The following ANKS1B variants were observed in gnomAD, a reference collection of about 807,000 sequenced individuals.
ANKS1B encodes ankyrin repeat and sterile alpha motif domain-containing protein 1B.
ANKS1B carries 36 observed loss-of-function variants against 148.3 expected under a neutral mutation model. The ratio of observed to expected loss-of-function variants is 0.24; its 90% CI spans 0.19 to 0.32. The LOEUF (loss-of-function observed/expected upper bound fraction) is 0.32. Among genes scored for constraint, ANKS1B ranks in the 10% least tolerant of loss-of-function variants. The pLI is 1.00. For missense variants in ANKS1B, 1,157 were observed against 1,542.6 expected (o/e 0.75, Z 4.19); for synonymous variants, 542 against 560.8 (o/e 0.97, Z 0.47).
At chr12:99,016,135 G>C (rs2099942397) in intron 17 of ANKS1B, among the ~76,000 whole-genome samples, 1 of 152,122 alleles carries the variant, frequency 6.6e-6, no homozygotes, top group Non-Finnish European at 1.5e-5. Flanking sequence ...TTTGCAGGAA[G>C]GACAATCTTA....
intron 16 of ANKS1B, among the ~76,000 whole-genome samples, chr12:99,066,147 C>T (rs959467224): frequency 6.6e-5 from 10 of 151,968 alleles, no homozygotes; most frequent in African/African-American, 1.9e-4. Context: ...GAAACTCTAT[C>T]GCTACTAAAA....
rs769888299 is a variant in ANKS1B at position 99,059,788 on chromosome 12, C to CATATATATATATATATGTATATAT, written c.2626-6480_2626-6479insATATATACATATATATATATATAT. 9.6e-4 allele frequency among the ~76,000 whole-genome samples: 87 copies of CATATATATATATATATGTATATAT among 90,318 alleles called. 1 individual carries two copies. Among genetic ancestry groups the CATATATATATATATATGTATATAT allele is most frequent in the African/African-American group, 3.7e-3 (83 of 22,300 alleles). 59.3% of individuals were successfully genotyped at this position (90,318 alleles called of 152,430 possible). On this transcript the variant is annotated intron_variant, in intron 16 of 26. Transcript: ENST00000683438. ...TAAGCCCAAAGACAAAACTAAAATTCATATATATATATATATATGATAGGA... is the reference window on the plus strand; with the variant it reads ...TAAGCCCAAAGACAAAACTAAAATTCATATATATATATATATGTATATATATATATATATATATATATGATAGGA...
At chr12:99,302,321 G>A (rs2081752955) in intron 12 of ANKS1B, among the ~76,000 whole-genome samples, 2 of 151,994 alleles carry the variant, frequency 1.3e-5, no homozygotes, top group South Asian at 2.1e-4. Flanking sequence ...ACTAAAACAT[G>A]CTTTATGCAC....
chr12:98,947,585 A>T (rs978468249), intron 17 of ANKS1B, among the ~76,000 whole-genome samples: 1 of 152,246 alleles, frequency 6.6e-6, no homozygotes. Flanking sequence ...ACCCAAACAC[A>T]GGGTTCACAC....
intron 8 of ANKS1B, among the ~76,000 whole-genome samples, chr12:99,693,008 A>G (rs1452306330): frequency 6.6e-6 from 1 of 152,194 alleles, no homozygotes; most frequent in African/African-American, 2.4e-5. Context: ...CAAGTGTGTT[A>G]ATTGAAAATA....
chr12:99,411,467 G>A (rs2094704332), intron 11 of ANKS1B, among the ~76,000 whole-genome samples: 1 of 152,132 alleles, frequency 6.6e-6, no homozygotes. Flanking sequence ...TGGGCACTTA[G>A]GCTGATTCCA....
intron 8 of ANKS1B, among the ~76,000 whole-genome samples, chr12:99,677,843 C>T (rs563907249): frequency 2.3e-4 from 35 of 152,172 alleles, no homozygotes; most frequent in African/African-American, 7.7e-4. Context: ...CGTGGTGGCA[C>T]GCGCCTGTAG....
intron 9 of ANKS1B, among the ~76,000 whole-genome samples, chr12:99,640,053 TC>T (rs1345215144): frequency 6.6e-6 from 1 of 152,010 alleles, no homozygotes; most frequent in African/African-American, 2.4e-5. Flanking sequence ...GCACCTATCA[TC>T]CCAGCTACTT....
At chr12:99,111,816 G>T (rs1308048238) in intron 15 of ANKS1B, among the ~76,000 whole-genome samples, 1 of 152,018 alleles carries the variant, frequency 6.6e-6, no homozygotes, top group Non-Finnish European at 1.5e-5. Flanking sequence ...GCAACAAGGC[G>T]ATGGTGGCAG....
chr12:99,314,069 T>C (rs1249492467), intron 12 of ANKS1B, among the ~76,000 whole-genome samples: 1 of 152,106 alleles, frequency 6.6e-6, no homozygotes, highest in Non-Finnish European at 1.5e-5. Context: ...TTCAGCAAAG[T>C]CTCAGGATAC....
At chr12:99,805,425 A>G (rs899239808) in intron 4 of ANKS1B, among the ~76,000 whole-genome samples, 6 of 151,902 alleles carry the variant, frequency 3.9e-5, no homozygotes, top group African/African-American at 1.5e-4. Flanking sequence ...GGAGTTCAAG[A>G]CTAGCCTGAG....
intron 9 of ANKS1B, among the ~76,000 whole-genome samples, chr12:99,537,964 ATT>A (rs1180700792): frequency 6.6e-6 from 1 of 152,014 alleles, no homozygotes; most frequent in Non-Finnish European, 1.5e-5. Flanking sequence ...TTGTTTCATT[ATT>A]CTGCATATAG....
chr12:99,047,370 A>G (rs527529922), intron 17 of ANKS1B, among the ~76,000 whole-genome samples: 4 of 152,360 alleles, frequency 2.6e-5, no homozygotes, highest in Non-Finnish European at 5.9e-5. Flanking sequence ...ACTGCACTCC[A>G]GCCTGGATGA....
chr12:99,617,068 A>G (rs2097974535), intron 9 of ANKS1B, among the ~76,000 whole-genome samples: 1 of 152,236 alleles, frequency 6.6e-6, no homozygotes, highest in African/African-American at 2.4e-5. Flanking sequence ...TCATTAGAGA[A>G]ATGCAAATCA....
At chr12:99,433,113 A>T (rs1374526465) in intron 11 of ANKS1B, among the ~76,000 whole-genome samples, 1 of 152,168 alleles carries the variant, frequency 6.6e-6, no homozygotes, top group Admixed American at 6.5e-5. Context: ...TACAATAGTG[A>T]CAGATGACAG....
chr12:99,216,901 C>T (rs1003022617), intron 14 of ANKS1B, among the ~76,000 whole-genome samples: 11 of 152,284 alleles, frequency 7.2e-5, no homozygotes, highest in South Asian at 6.2e-4. Flanking sequence ...GAATGAGCTA[C>T]GCAACTTTGG....
intron 9 of ANKS1B, among the ~76,000 whole-genome samples, chr12:99,542,807 A>G (rs372776505): frequency 4.5e-4 from 68 of 152,222 alleles, no homozygotes; most frequent in African/African-American, 1.5e-3. Context: ...GAAGTTGAAT[A>G]CCTACCTCAT....
chr12:99,273,574 ATTTTT>A (rs1188069212), intron 12 of ANKS1B, among the ~76,000 whole-genome samples: 1 of 97,054 alleles, frequency 1.0e-5, no homozygotes, highest in African/African-American at 4.2e-5. Context: ...TTTTTTTGCG[ATTTTT>A]TTTTTTTTTT....
chr12:99,668,989 C>G (rs1038245946), intron 8 of ANKS1B, among the ~76,000 whole-genome samples: 1 of 152,040 alleles, frequency 6.6e-6, no homozygotes, highest in African/African-American at 2.4e-5. Context: ...CCTTTGAACT[C>G]TTTTATATCT....
Sources: allele counts gnomAD v4.1 joint callset (sites outside exome capture counted in the v4.1 genomes callset), GRCh38; gene constraint gnomAD v4.1.1; transcripts MANE v1.5; gene names NCBI Gene and HGNC (gene_info 2026-07-23, HGNC 2026-07-21).